Variants in RUNDC3B observed in about 807,000 individuals in gnomAD.
RUNDC3B encodes the protein RUN domain containing 3B.
RUNDC3B carries 33 observed loss-of-function variants against 58.4 expected under a neutral mutation model. The observed-to-expected ratio is 0.56, with a 90% CI of 0.43 to 0.75. The LOEUF (loss-of-function observed/expected upper bound fraction) is 0.75, where lower values mean the gene tolerates loss of function less well. Ranked by LOEUF, RUNDC3B falls within the 30% of genes least tolerant of loss-of-function variation. RUNDC3B has a pLI of 0.00. For missense variants in RUNDC3B, 501 were observed against 535.7 expected (o/e 0.94, Z 0.64); for synonymous variants, 193 against 195.2 (o/e 0.99, Z 0.10).
At chr7:87,821,553 G>A (rs907391051) in intron 10 of RUNDC3B, among the ~76,000 whole-genome samples, 28 of 151,996 alleles carry the variant, frequency 1.8e-4, no homozygotes, top group Admixed American at 3.9e-4. Context: ...TAAAGTTCAT[G>A]TGGAATCAAA....
chr7:87,649,625 A>G (rs1823372024), intron 1 of RUNDC3B, among the ~76,000 whole-genome samples: 1 of 152,188 alleles, frequency 6.6e-6, no homozygotes, highest in Non-Finnish European at 1.5e-5. Context: ...TCTGATAAGG[A>G]AAAATATAGT....
At chr7:87,693,374 T>G (rs924046613) in intron 2 of RUNDC3B, among the ~76,000 whole-genome samples, 1 of 152,128 alleles carries the variant, frequency 6.6e-6, no homozygotes, top group Non-Finnish European at 1.5e-5. Flanking sequence ...TAACAATTCT[T>G]AGGCAAAAAA....
chr7:87,655,224 A>G (rs566937412), intron 2 of RUNDC3B, among the ~76,000 whole-genome samples: 1 of 152,286 alleles, frequency 6.6e-6, no homozygotes, highest in East Asian at 1.9e-4. Context: ...TTGTAGGTAC[A>G]TAGCCAAGGA....
At position 87,666,647 on chromosome 7, in the gene RUNDC3B, T is replaced by C. The variant is rs149654888; in HGVS notation, c.238+15710T>C. 2.2e-3 allele frequency among the ~76,000 whole-genome samples: 337 copies of C among 152,340 alleles called. 1 individual carries two copies. Among genetic ancestry groups the C allele is most frequent in the African/African-American group, 7.3e-3 (305 of 41,580 alleles). On this transcript the variant is annotated intron_variant, in intron 2 of 10. Transcript: ENST00000394654. ...GTTTTACATTTAGGTCTTTAATCCA[T>C]CTTGAGTTTATTTTTGTGTATAGTG...
intron 4 of RUNDC3B, among the ~76,000 whole-genome samples, chr7:87,717,545 T>TA (rs1273565985): frequency 1.3e-5 from 2 of 152,012 alleles, no homozygotes; most frequent in African/African-American, 4.8e-5. Flanking sequence ...ATGATGCATT[T>TA]AAAAAATCCT....
chr7:87,630,156 A>C (rs1273296762), intron 1 of RUNDC3B, among the ~76,000 whole-genome samples: 1 of 152,084 alleles, frequency 6.6e-6, no homozygotes, highest in Non-Finnish European at 1.5e-5. Context: ...GATGATGATG[A>C]AACTTTTTCT....
At chr7:87,806,955 A>G (rs1836469232) in intron 8 of RUNDC3B, among the ~76,000 whole-genome samples, 1 of 152,078 alleles carries the variant, frequency 6.6e-6, no homozygotes, top group East Asian at 1.9e-4. Context: ...ACTTGAATTA[A>G]AATACTTTAA....
At chr7:87,683,023 A>T (rs1028244191) in intron 2 of RUNDC3B, among the ~76,000 whole-genome samples, 1 of 152,248 alleles carries the variant, frequency 6.6e-6, no homozygotes, top group Non-Finnish European at 1.5e-5. Flanking sequence ...CAACTTCTCC[A>T]TCAGCACTTG....
At chr7:87,682,198 T>A (rs1392568247) in intron 2 of RUNDC3B, among the ~76,000 whole-genome samples, 2 of 152,246 alleles carry the variant, frequency 1.3e-5, no homozygotes, top group Non-Finnish European at 2.9e-5. Context: ...CTTCTAGTTC[T>A]CTTGCGATTT....
At chr7:87,725,622 G>A (rs1402476809) in intron 4 of RUNDC3B, among the ~76,000 whole-genome samples, 1 of 152,078 alleles carries the variant, frequency 6.6e-6, no homozygotes, top group Non-Finnish European at 1.5e-5. Context: ...GGGATGGCTG[G>A]GTCAAATGGT....
intron 6 of RUNDC3B, among the ~76,000 whole-genome samples, chr7:87,769,599 C>A (rs1250110055): frequency 6.6e-6 from 1 of 151,404 alleles, no homozygotes; most frequent in South Asian, 2.1e-4. Context: ...TTTATTTTTC[C>A]ATGTTTATTT....
In RUNDC3B at chr7:87,830,126, G is replaced by A. The variant is rs1007636223; in HGVS notation, c.*96G>A. ...ACCTTTGAAATTTTATATTGTTCTG[G>A]TACATGTCTGAAATTCTATTGCTTG... On this transcript the variant is annotated 3_prime_UTR_variant, in exon 11 of 11. Transcript: ENST00000394654. 2 of 620,622 alleles carry A rather than the reference G, an allele frequency of 3.2e-6. No homozygotes were observed. The highest frequency in any genetic ancestry group is 5.1e-6 in the Non-Finnish European group (2 of 395,304). The allele number at this position is 620,622 out of a possible 1,614,324, so 38.4% of individuals were successfully genotyped here.
At chr7:87,653,518 A>G (rs909594777) in intron 2 of RUNDC3B, among the ~76,000 whole-genome samples, 1 of 152,080 alleles carries the variant, frequency 6.6e-6, no homozygotes, top group Non-Finnish European at 1.5e-5. Flanking sequence ...GGGGACATAT[A>G]GTCTTTGCCT....
At chr7:87,755,443 G>A (rs2130842522) in intron 6 of RUNDC3B, among the ~76,000 whole-genome samples, 1 of 152,218 alleles carries the variant, frequency 6.6e-6, no homozygotes, top group Non-Finnish European at 1.5e-5. Context: ...AACAAAAAAG[G>A]AAAGCTTCAG....
chr7:87,703,184 A>C (rs1276995810), intron 3 of RUNDC3B, among the ~76,000 whole-genome samples: 1 of 152,166 alleles, frequency 6.6e-6, no homozygotes, highest in Non-Finnish European at 1.5e-5. Context: ...TAATAACCGA[A>C]AGTATAACAA....
intron 2 of RUNDC3B, among the ~76,000 whole-genome samples, chr7:87,676,343 T>C (rs758928176): frequency 3.3e-5 from 5 of 152,022 alleles, no homozygotes; most frequent in African/African-American, 1.2e-4. Context: ...TCCAATAAGG[T>C]GTTAATATCC....
At chr7:87,766,943 A>AT (rs1226422056) in intron 6 of RUNDC3B, among the ~76,000 whole-genome samples, 2 of 151,628 alleles carry the variant, frequency 1.3e-5, no homozygotes, top group South Asian at 2.1e-4. Flanking sequence ...TTGATTTTTA[A>AT]TTTTTTTTCT....
chr7:87,669,819 G>A (rs1177077929), intron 2 of RUNDC3B, among the ~76,000 whole-genome samples: 1 of 152,128 alleles, frequency 6.6e-6, no homozygotes, highest in African/African-American at 2.4e-5. Flanking sequence ...CTGGCTTGTA[G>A]GGTTTCAGCT....
At chr7:87,794,312 G>T (rs1292292694) in intron 8 of RUNDC3B, among the ~76,000 whole-genome samples, 2 of 152,188 alleles carry the variant, frequency 1.3e-5, no homozygotes, top group African/African-American at 4.8e-5. Flanking sequence ...GCACATGCCT[G>T]TAGTCCTAGC....
Sources: gnomAD v4.1 joint callset for allele counts (sites outside exome capture counted in the v4.1 genomes callset) on GRCh38, gnomAD v4.1.1 for gene constraint, MANE v1.5 for transcripts, NCBI Gene and HGNC (gene_info 2026-07-23, HGNC 2026-07-21) for gene names.